The following SLC2A14 variants were observed in gnomAD, a reference collection of about 807,000 sequenced individuals.
The protein encoded by SLC2A14 is solute carrier family 2, facilitated glucose transporter member 14.
SLC2A14 carries 13 observed loss-of-function variants against 43.0 expected under a neutral mutation model. The observed-to-expected ratio is 0.30, with a 90% confidence interval of 0.20 to 0.48. The LOEUF (loss-of-function observed/expected upper bound fraction) is 0.48. Among genes scored for constraint, SLC2A14 ranks in the 20% least tolerant of loss-of-function variants. SLC2A14 has a pLI of 0.99. For missense variants in SLC2A14, 428 were observed against 620.4 expected (o/e 0.69, Z 3.29); for synonymous variants, 190 against 233.8 (o/e 0.81, Z 1.71).
intron 2 of SLC2A14, among the ~76,000 whole-genome samples, chr12:7,862,047 C>T (rs943259568): frequency 6.6e-6 from 1 of 150,546 alleles, no homozygotes; most frequent in African/African-American, 2.4e-5. Flanking sequence ...AGGTGGATCA[C>T]GAGGTGAGGA....
At chr12:7,850,657 G>C (rs1279350043) in intron 2 of SLC2A14, 1 of 152,176 alleles carries the variant, frequency 6.6e-6, no homozygotes, top group East Asian at 1.9e-4. Context: ...GCCTCCCAAA[G>C]TGCTGGGATT....
intron 2 of SLC2A14, among the ~76,000 whole-genome samples, chr12:7,869,261 C>T (rs570252707): frequency 6.6e-6 from 1 of 151,972 alleles, no homozygotes; most frequent in South Asian, 2.1e-4. Context: ...CGGGTAAGTT[C>T]CCAGAAAATA....
chr12:7,819,233 CAAACA>C (rs1228998762), intron 9 of SLC2A14, among the ~76,000 whole-genome samples: 1 of 151,558 alleles, frequency 6.6e-6, no homozygotes, highest in Non-Finnish European at 1.5e-5. Flanking sequence ...AACAAACAAA[CAAACA>C]AAAGAATTAA....
chr12:7,830,213 C>T (rs780793148), intron 4 of SLC2A14, among the ~76,000 whole-genome samples: 103 of 150,250 alleles, frequency 6.9e-4, no homozygotes, highest in African/African-American at 2.2e-3. Flanking sequence ...AGTGCAGTGG[C>T]GCGATCTCCG....
At position 7,817,803 on chromosome 12, in the gene SLC2A14, G is replaced by T. The variant is rs1240271551; in HGVS notation, c.1275+28C>A. 5 of 1,609,696 alleles carry T rather than the reference G, an allele frequency of 3.1e-6. No homozygotes were observed. In the African/African-American group the frequency reaches 5.4e-5, roughly 17 times the overall value. On this transcript the variant is annotated intron_variant, in intron 10 of 10. Coordinates refer to ENST00000431042, the MANE Select transcript of SLC2A14 (RefSeq NM_001286234.2). ...AGACAGATACATAGATAGATACATA[G>T]ATACATAGATAAGGTGAGTTTACTT... is the stretch of plus-strand genomic sequence containing the variant.
At chr12:7,816,132 C>A (rs1323126768) in intron 10 of SLC2A14, among the ~76,000 whole-genome samples, 204 of 112,162 alleles carry the variant, frequency 1.8e-3, no homozygotes, top group Middle Eastern at 4.5e-3. Flanking sequence ...GAGTCTCGCT[C>A]TGTCGCCCAG....
At chr12:7,826,880 TCTTTC>T (rs1864450790) in intron 7 of SLC2A14, among the ~76,000 whole-genome samples, 22 of 66,166 alleles carry the variant, frequency 3.3e-4, no homozygotes, top group African/African-American at 1.5e-3. Flanking sequence ...TTTCTTTCTT[TCTTTC>T]TTTCTTTCTT....
exon 1 of SLC2A14, chr12:7,891,032 A>G: frequency 6.5e-7 from 1 of 1,535,008 alleles, no homozygotes; most frequent in Non-Finnish European, 8.7e-7. Context: ...TCTTCTCCAG[A>G]GTGGAGGTCT....
At chr12:7,887,396 A>G (rs1945704466) in intron 1 of SLC2A14, among the ~76,000 whole-genome samples, 2 of 152,082 alleles carry the variant, frequency 1.3e-5, no homozygotes, top group Non-Finnish European at 2.9e-5. Flanking sequence ...GAAGCCCATC[A>G]GTTAGCATCT....
At chr12:7,873,848 G>T (rs890236366), upstream of SLC2A14, among the ~76,000 whole-genome samples, 1 of 151,994 alleles carries the variant, frequency 6.6e-6, no homozygotes, top group African/African-American at 2.4e-5. Context: ...CAGCACGAAG[G>T]TGTTTTGGAG....
chr12:7,862,063 A>G (rs1944593487), intron 2 of SLC2A14, among the ~76,000 whole-genome samples: 1 of 151,496 alleles, frequency 6.6e-6, no homozygotes, highest in South Asian at 2.1e-4. Context: ...GAGGAGTTTG[A>G]GACCAGCTTG....
chr12:7,856,250 G>C (rs1257926702), intron 2 of SLC2A14: 2 of 152,202 alleles, frequency 1.3e-5, no homozygotes, highest in East Asian at 1.9e-4. Flanking sequence ...CAGCAGTTCT[G>C]GGCTGAAGTG....
chr12:7,860,712 C>T (rs2120991103), intron 2 of SLC2A14: 1 of 152,902 alleles, frequency 6.5e-6, no homozygotes, highest in South Asian at 2.1e-4. Flanking sequence ...TCACACAGTC[C>T]TTCTGAGGTT....
At position 7,832,722 on chromosome 12, in the gene SLC2A14, C is replaced by T. The variant is rs10846018; in HGVS notation, c.111G>A (p.Thr37=). The T allele has an allele frequency of 4.3e-6, 7 of 1,613,470 alleles. No homozygotes were observed. Among genetic ancestry groups the T allele is most frequent in the East Asian group, 2.2e-5 (1 of 44,886 alleles). Residue 37 remains threonine, a splice_region_variant and synonymous_variant, in exon 3 of 11, where the codon ACG becomes ACA. Transcript: ENST00000431042. ...YNTGVINAPE[T]IIKEFINKTL... The stretch of plus-strand genomic sequence containing the variant: ...CTAATTCTTGTGGCCTGGCACTCAC[C>T]GTCTCAGGAGCATTGATGACCCCAG...
At chr12:7,834,893 T>TA (rs1272019426) in intron 2 of SLC2A14, among the ~76,000 whole-genome samples, 3 of 152,100 alleles carry the variant, frequency 2.0e-5, no homozygotes, top group East Asian at 3.9e-4. Flanking sequence ...TTGCTCAATA[T>TA]AACTGTTTGT....
Position 7,830,834 on chromosome 12 carries a change from C to A in SLC2A14, c.272+770G>T, listed in dbSNP as rs192905301. 1.2e-3 allele frequency among the ~76,000 whole-genome samples: 183 copies of A among 152,140 alleles called. 1 individual carries two copies. Among genetic ancestry groups the A allele is most frequent in the Non-Finnish European group, 7.1e-4 (48 of 68,006 alleles). Reference sequence around the variant, plus strand: ...TAAGCTAGTATAAAATAAGAAGATTCAGTTTTCAGCCAGGCACAGTGGCTC... The same window carrying A: ...TAAGCTAGTATAAAATAAGAAGATTAAGTTTTCAGCCAGGCACAGTGGCTC... On this transcript the variant is annotated intron_variant, in intron 4 of 10. Coordinates refer to ENST00000431042, the MANE Select transcript of SLC2A14 (RefSeq NM_001286234.2).
chr12:7,881,571 C>T (rs1024930084), intron 1 of SLC2A14, among the ~76,000 whole-genome samples: 3 of 152,272 alleles, frequency 2.0e-5, no homozygotes, highest in Admixed American at 1.3e-4. Flanking sequence ...CCCCGCTCCA[C>T]CTCCGTGGGC....
intron 2 of SLC2A14, among the ~76,000 whole-genome samples, chr12:7,860,249 C>T (rs1405063703): frequency 6.6e-6 from 1 of 152,018 alleles, no homozygotes; most frequent in African/African-American, 2.4e-5. Context: ...AGAAGCAAAG[C>T]CCTCAGAGAA....
intron 1 of SLC2A14, chr12:7,870,842 T>C: frequency 1.6e-6 from 2 of 1,265,780 alleles, no homozygotes; most frequent in Non-Finnish European, 2.1e-6. Flanking sequence ...CCCACCCACC[T>C]GAAGCCAAAA....
Sources: allele counts gnomAD v4.1 joint callset (sites outside exome capture counted in the v4.1 genomes callset), GRCh38; gene constraint gnomAD v4.1.1; transcripts MANE v1.5; gene names NCBI Gene and HGNC (gene_info 2026-07-23, HGNC 2026-07-21).